POLRMT: variants seen among roughly 807,000 people sequenced by gnomAD.
POLRMT encodes the protein RNA polymerase mitochondrial, also known as DNA-directed RNA polymerase, mitochondrial.
A neutral mutation model predicts 132.2 loss-of-function variants in POLRMT; 114 were observed. That is an observed-to-expected ratio of 0.86 (90% confidence interval 0.74 to 1.01). POLRMT has a LOEUF of 1.01. POLRMT is among the 50% of genes least tolerant of loss of function. POLRMT has a pLI of 0.00. For missense variants in POLRMT, 2,003 were observed against 1,729.1 expected, an observed-to-expected ratio of 1.16 and a Z score of -2.81; for synonymous variants, 1,020 against 773.4, an observed-to-expected ratio of 1.32 and a Z score of -5.29.
chr19:633,189 A>G (rs1374419144), intron 1 of POLRMT: 5 of 603,592 alleles, frequency 8.3e-6, no homozygotes, highest in Non-Finnish European at 1.3e-5. Flanking sequence ...TAAGAGCCCT[A>G]AACACCACAC....
At chr19:630,210 C>G (rs1299771114) in intron 2 of POLRMT, 42 bp from the exon 3 acceptor site, 2 of 1,530,206 alleles carry the variant, frequency 1.3e-6, no homozygotes, top group Non-Finnish European at 1.8e-6. Context: ...GGACCCCCTC[C>G]CCATTCGAGC....
intron 6 of POLRMT, among the ~76,000 whole-genome samples, chr19:623,222 G>A (rs986477246): frequency 6.6e-6 from 1 of 152,360 alleles, no homozygotes; most frequent in East Asian, 1.9e-4. Flanking sequence ...CCCAACCTCG[G>A]GACCCCACAA....
intron 2 of POLRMT, among the ~76,000 whole-genome samples, chr19:632,546 G>GGTC (rs1491363356): frequency 4.7e-5 from 7 of 149,386 alleles, no homozygotes; most frequent in Non-Finnish European, 7.4e-5. Context: ...CGGGGGGGGG[G>GGTC]TCTCTCCAGA....
Position 622,895 on chromosome 19 carries a change from A to T in POLRMT, c.1381T>A (p.Tyr461Asn). The T allele has an allele frequency of 1.2e-6, 2 of 1,612,084 alleles. No homozygotes were observed. Among genetic ancestry groups the T allele is most frequent in the Non-Finnish European group, 1.7e-6 (2 of 1,179,622 alleles). The change falls in exon 7 of 21, where the codon TAC (tyrosine) becomes AAC (asparagine). Residue 461 changes from tyrosine to asparagine, a missense_variant. Tyr to Asn is a moderately radical substitution (Grantham distance 143). Transcript: ENST00000588649. ...GGGTAAAGTGAGAACCGGCCCTCGT[A>T]CACCTCGCGCTCTAGGCGGTTCTTG... ...ETKNRLEREV[Y>N]EGRFSLYPFL...
chr19:628,257 G>A lies in POLRMT; in HGVS notation c.822+1283C>T, dbSNP rs567206840. ...GGTTTGGGACACTTTCGTAGGGGCC[G>A]ATCCCAAAAGCGCCCTGTTACAGTG... is the stretch of plus-strand genomic sequence containing the variant. On this transcript the variant is annotated intron_variant, in intron 3 of 20. Transcript: ENST00000588649. Among the ~76,000 whole-genome samples the A allele has an allele frequency of 3.3e-4, 50 of 152,314 alleles. 1 individual carries two copies. Among genetic ancestry groups the A allele is most frequent in the Middle Eastern group, 6.8e-3 (2 of 294 alleles).
chr19:617,303 C>A lies in POLRMT; in HGVS notation c.3664G>T (p.Val1222Leu). 1 of 1,612,920 alleles carries A rather than the reference C, an allele frequency of 6.2e-7. No individual in the cohort carries two copies. The highest frequency in any genetic ancestry group is 8.5e-7 in the Non-Finnish European group (1 of 1,179,892). The change falls in exon 21 of 21, where the codon GTG becomes TTG. Residue 1222 changes from valine to leucine, a missense_variant. Coordinates refer to ENST00000588649, the MANE Select transcript of POLRMT (RefSeq NM_005035.4). ...PKPGAFDLEQ[V>L]KRSTYFFS The stretch of plus-strand genomic sequence containing the variant: ...CTGAAGAAGTAGGTGGAACGCTTCA[C>A]CTGCTCCAGGTCGAAGGCCCCTGCG...
chr19:632,236 G>A (rs999718303), intron 2 of POLRMT, among the ~76,000 whole-genome samples: 3 of 149,488 alleles, frequency 2.0e-5, no homozygotes, highest in Non-Finnish European at 3.0e-5. Context: ...CACCTGGCCA[G>A]GTTTTTTCCC....
In POLRMT at chr19:621,821, G is replaced by A; in HGVS notation, c.1877C>T (p.Ala626Val). Residue 626 changes from alanine to valine, a missense_variant, in exon 10 of 21, where the codon GCC becomes GTC. Ala to Val is a moderately conservative substitution (Grantham distance 64, BLOSUM62 0). Transcript: ENST00000588649. ...QQIGILKPHP[A>V]YVQLLEKAAE... is the part of the protein sequence containing the mutation. ...GGCCTTCTCCAGCAGCTGCACGTAG[G>A]CCGGGTGCGGCTTCAGGATGCCGAT... is the stretch of plus-strand genomic sequence containing the variant. 6.2e-7 allele frequency: 1 copy of A among 1,602,366 alleles called. No individual in the cohort carries two copies. Among genetic ancestry groups the A allele is most frequent in the Non-Finnish European group, 8.5e-7 (1 of 1,179,818 alleles).
At chr19:617,356 G>T in intron 20 of POLRMT, 33 bp from the exon 21 acceptor site, 1 of 1,612,652 alleles carries the variant, frequency 6.2e-7, no homozygotes, top group Non-Finnish European at 8.5e-7. Context: ...GGCGTGGGTG[G>T]CGGGAAAGCC....
chr19:619,347 G>C, intron 13 of POLRMT, 51 bp from the exon 14 acceptor site: 1 of 1,564,880 alleles, frequency 6.4e-7, no homozygotes, highest in South Asian at 1.1e-5. Flanking sequence ...GCCCGTTCAC[G>C]CCCTACTCCC....
At position 622,912 on chromosome 19, in the gene POLRMT, C is replaced by T. The variant is rs767310293; in HGVS notation, c.1364G>A (p.Arg455His). Residue 455 changes from arginine to histidine, a missense_variant, in exon 7 of 21, where the codon CGC becomes CAC. Transcript: ENST00000588649. ...LCRALRETKN[R>H]LEREVYEGRF... ...GCCCTCGTACACCTCGCGCTCTAGG[C>T]GGTTCTTGGTCTCCCGCAGCGCCCG... 15 of 1,612,740 alleles carry T rather than the reference C, an allele frequency of 9.3e-6. No individual in the cohort carries two copies. The East Asian group carries it at 2.2e-4, about 24-fold the overall frequency.
At chr19:619,352 A>G in intron 13 of POLRMT, 56 bp from the exon 14 acceptor site, 5 of 1,554,686 alleles carry the variant, frequency 3.2e-6, no homozygotes, top group Non-Finnish European at 4.4e-6. Flanking sequence ...TTCACGCCCT[A>G]CTCCCCCCTA....
intron 16 of POLRMT, 31 bp downstream of exon 16, chr19:618,674 G>A (rs771702646): frequency 1.5e-5 from 24 of 1,604,936 alleles, no homozygotes; most frequent in East Asian, 4.5e-5. Context: ...CCAGACCCCC[G>A]GCCAGGCCCC....
Position 621,129 on chromosome 19 carries a change from G to A in POLRMT, c.2569C>T (p.Leu857=), listed in dbSNP as rs577312746. The change falls in exon 10 of 21, where the codon CTG becomes TTG. Residue 857 remains leucine (L), a synonymous_variant. Transcript: ENST00000588649. ...NLTGLKKREP[L]RKRLAFAEEV... is the part of the protein sequence containing the mutation. ...TCCGCAAAGGCCAGGCGCTTCCGCA[G>A]CGGCTCCCGCTTCTTCAACCCCGTG... is the stretch of plus-strand genomic sequence containing the variant. 8 of 1,610,962 alleles carry A rather than the reference G, an allele frequency of 5.0e-6. No individual in the cohort carries two copies. The East Asian group carries it at 1.3e-4, about 27-fold the overall frequency.
chr19:623,854 T>C (rs943959799), intron 5 of POLRMT, among the ~76,000 whole-genome samples: 2 of 152,182 alleles, frequency 1.3e-5, no homozygotes, highest in Non-Finnish European at 2.9e-5. Context: ...GGGGCGGTGA[T>C]GCTGGGAGCT....
intron 6 of POLRMT, 137 bp from the exon 7 acceptor site, chr19:623,122 AC>A: frequency 8.5e-7 from 1 of 1,176,628 alleles, no homozygotes; most frequent in Non-Finnish European, 1.2e-6. Flanking sequence ...GTAGCTCCTC[AC>A]CCCGGCCTGC....
intron 4 of POLRMT, 23 bp from the exon 5 acceptor site, chr19:624,928 G>A (rs572967978): frequency 1.8e-5 from 29 of 1,590,192 alleles, no homozygotes; most frequent in Admixed American, 3.4e-5. Flanking sequence ...CGGCCTGCTC[G>A]AGGGACGGGC....
In POLRMT at chr19:617,868, C is replaced by T; in HGVS notation, c.3423-19G>A. On this transcript the variant is annotated intron_variant, in intron 17 of 20. Transcript: ENST00000588649. ...GCCCTTCCTGTGGCAGAGCGGAGGACTCCTGAAGGGAGGGGAGCTCACAGG... is the reference window on the plus strand; with the variant it reads ...GCCCTTCCTGTGGCAGAGCGGAGGATTCCTGAAGGGAGGGGAGCTCACAGG... The T allele has an allele frequency of 6.2e-7, 1 of 1,611,940 alleles. No homozygotes were observed. Among genetic ancestry groups the T allele is most frequent in the Non-Finnish European group, 8.5e-7 (1 of 1,179,102 alleles).
At chr19:622,537 C>A (rs994801837) in intron 8 of POLRMT, 45 bp downstream of exon 8, 1 of 1,547,090 alleles carries the variant, frequency 6.5e-7, no homozygotes, top group Non-Finnish European at 8.7e-7. Context: ...AGAGCGCCCA[C>A]CCACCACTGG....
Sources: allele counts gnomAD v4.1 joint callset (sites outside exome capture counted in the v4.1 genomes callset), GRCh38; gene constraint gnomAD v4.1.1; transcripts MANE v1.5; gene names NCBI Gene and HGNC (gene_info 2026-07-23, HGNC 2026-07-21).